The following MATN3 variants were observed in gnomAD, a reference collection of about 807,000 sequenced individuals.
MATN3 encodes the protein matrilin 3, also known as matrilin-3.
MATN3 carries 48 observed loss-of-function variants against 45.3 expected under a neutral mutation model. The ratio of observed to expected loss-of-function variants is 1.06; its 90% CI spans 0.84 to 1.35. The LOEUF (loss-of-function observed/expected upper bound fraction) is 1.35. Ranked by LOEUF, MATN3 falls within the 40% of genes most tolerant of loss-of-function variation. The probability of loss-of-function intolerance (pLI) is 0.00; values close to 1 mark genes in which losing one functional copy is unlikely to be tolerated. For missense variants in MATN3, 599 were observed against 628.0 expected (o/e 0.95, Z 0.49); for synonymous variants, 217 against 245.9 (o/e 0.88, Z 1.10).
intron 5 of MATN3, among the ~76,000 whole-genome samples, chr2:19,998,465 A>G (rs1382190057): frequency 2.0e-5 from 3 of 152,220 alleles, no homozygotes; most frequent in African/African-American, 7.2e-5. Context: ...ACTTTAAAAT[A>G]TATAAATAGG....
chr2:20,001,966 T>G lies in MATN3; in HGVS notation c.1031A>C (p.Lys344Thr). ...CCTCCCTCACTTACCTGAACAAGTT[T>G]TCCTGTCTTCATTCAAGGTATAACC... ...YEGYTLNEDR[K>T]TCSAQDKCAL... Residue 344 changes from lysine (K) to threonine (T), a missense_variant, in exon 4 of 8, where the codon AAA becomes ACA. Physicochemically the swap from Lys to Thr is moderately conservative, Grantham distance 78. Transcript: ENST00000407540. 6.2e-7 allele frequency: 1 copy of G among 1,613,290 alleles called. No individual in the cohort carries two copies. Among genetic ancestry groups the G allele is most frequent in the South Asian group, 1.1e-5 (1 of 90,930 alleles).
chr2:20,007,822 A>G (rs768396422), intron 1 of MATN3, among the ~76,000 whole-genome samples: 1 of 152,230 alleles, frequency 6.6e-6, no homozygotes, highest in Non-Finnish European at 1.5e-5. Flanking sequence ...ACAGTTTAGT[A>G]TCACAGTACA....
In MATN3 at chr2:20,002,042, G is replaced by A; in HGVS notation, c.955C>T (p.His319Tyr). The change falls in exon 4 of 8, where the codon CAC becomes TAC. Residue 319 changes from histidine (H) to tyrosine (Y), a missense_variant. Physicochemically the swap from His to Tyr is moderately conservative, Grantham distance 83. Transcript: ENST00000407540. The stretch of plus-strand genomic sequence containing the variant: ...CCACTTCTGTCATTCACACAGATGT[G>A]CTCACATCCGTGGGTGTTAAGAGCA... ...RCALNTHGCEHICVNDRSGSY... is the reference protein window; with the variant it reads ...RCALNTHGCEYICVNDRSGSY... 6.2e-7 allele frequency: 1 copy of A among 1,613,448 alleles called. No homozygotes were observed. Among genetic ancestry groups the A allele is most frequent in the Non-Finnish European group, 8.5e-7 (1 of 1,179,502 alleles).
At chr2:19,999,894 C>T (rs755074655) in intron 5 of MATN3, among the ~76,000 whole-genome samples, 26 of 152,118 alleles carry the variant, frequency 1.7e-4, no homozygotes, top group Non-Finnish European at 2.6e-4. Flanking sequence ...CATTGGCCAA[C>T]GTATAAGGCT....
At chr2:19,997,113 C>T (rs758404676) in intron 6 of MATN3, 21 bp downstream of exon 6, 1 of 1,611,500 alleles carries the variant, frequency 6.2e-7, no homozygotes, top group Non-Finnish European at 8.5e-7. Context: ...AAGGAAATAG[C>T]CTTAAAGGGC....
Position 19,992,195 on chromosome 2 carries a change from T to G in MATN3, c.*916A>C, listed in dbSNP as rs1672770866. ...GAGCAGTGCAAAATTTAAAGGACTG[T>G]TTTGTTCTCAAAGTTGCAAGTTTCA... On this transcript the variant is annotated 3_prime_UTR_variant, in exon 8 of 8. Transcript: ENST00000407540. 1 of 152,092 alleles carries G rather than the reference T, an allele frequency of 6.6e-6. No homozygotes were observed. Among genetic ancestry groups the G allele is most frequent in the Non-Finnish European group, 1.5e-5 (1 of 67,998 alleles). 9.4% of individuals were successfully genotyped at this position (152,092 alleles called of 1,614,324 possible).
chr2:20,007,174 C>T (rs1019020634), intron 1 of MATN3, among the ~76,000 whole-genome samples: 2 of 151,736 alleles, frequency 1.3e-5, no homozygotes, highest in African/African-American at 2.4e-5. Flanking sequence ...CGCCACTGCA[C>T]TCCAGCCTGG....
intron 3 of MATN3, 111 bp from the exon 4 acceptor site, chr2:20,002,191 C>CACACACACACACACACAGAGAG: frequency 1.3e-6 from 1 of 756,946 alleles, no homozygotes; most frequent in East Asian, 3.4e-5. Context: ...CACACACACA[C>CACACACACACACACACAGAGAG]AGAGCTAATG....
At chr2:19,993,887 C>A (rs1672807088) in intron 7 of MATN3, among the ~76,000 whole-genome samples, 1 of 152,156 alleles carries the variant, frequency 6.6e-6, no homozygotes, top group Non-Finnish European at 1.5e-5. Flanking sequence ...TGCTTTTTGA[C>A]CACTTGGCTA....
At chr2:19,998,836 G>C (rs2103480554) in intron 5 of MATN3, among the ~76,000 whole-genome samples, 1 of 152,104 alleles carries the variant, frequency 6.6e-6, no homozygotes, top group Non-Finnish European at 1.5e-5. Context: ...CCTCTTCACT[G>C]TCCTGTGCTT....
intron 5 of MATN3, among the ~76,000 whole-genome samples, chr2:19,998,557 A>G (rs894566148): frequency 6.6e-6 from 1 of 152,172 alleles, no homozygotes; most frequent in Non-Finnish European, 1.5e-5. Flanking sequence ...GGAGTTCAAG[A>G]CAAGCTTGGA....
At position 19,994,307 on chromosome 2, in the gene MATN3, T is replaced by G; in HGVS notation, c.1397A>C (p.Asn466Thr). The change falls in exon 7 of 8, where the codon AAC becomes ACC. Residue 466 changes from asparagine to threonine, a missense_variant. Physicochemically the swap from Asn to Thr is moderately conservative, Grantham distance 65. Transcript: ENST00000407540. ...CCTTCCAGAAAGGATATGTTTAGTG[T>G]TCAGTCTTTGAAGATACGAGCTGAC... ...DKVSSYLQRL[N>T]TKLDDILEKL... 1 of 1,609,464 alleles carries G rather than the reference T, an allele frequency of 6.2e-7. No homozygotes were observed. The highest frequency in any genetic ancestry group is 8.5e-7 in the Non-Finnish European group (1 of 1,176,230).
intron 1 of MATN3, among the ~76,000 whole-genome samples, chr2:20,007,106 A>G (rs543073235): frequency 2.2e-4 from 33 of 151,868 alleles, no homozygotes; most frequent in Middle Eastern, 3.4e-3. Flanking sequence ...TACTCGGGAG[A>G]CTGAGGCAGG....
chr2:20,006,073 G>A lies in MATN3; in HGVS notation c.461C>T (p.Thr154Ile), dbSNP rs767685713. ...QSLKQAVGRI[T>I]PLSTGTMSGL... ...TGACATGGTGCCTGTTGACAAGGGT[G>A]TGATTCGACCCACGGCCTGCTTCAG... The change falls in exon 2 of 8, where the codon ACA becomes ATA. Residue 154 changes from threonine to isoleucine, a missense_variant. Physicochemically the swap from Thr to Ile is moderately conservative, Grantham distance 89 (BLOSUM62 -1). Coordinates refer to ENST00000407540, the MANE Select transcript of MATN3 (RefSeq NM_002381.5). The A allele has an allele frequency of 1.2e-6, 2 of 1,613,914 alleles. No homozygotes were observed. The highest frequency in any genetic ancestry group is 1.7e-6 in the Non-Finnish European group (2 of 1,179,894).
At chr2:20,006,552 A>G (rs1673111159) in intron 1 of MATN3, among the ~76,000 whole-genome samples, 1 of 152,172 alleles carries the variant, frequency 6.6e-6, no homozygotes, top group Admixed American at 6.5e-5. Context: ...AGGCTGGCTG[A>G]ATCCTGAAAT....
chr2:19,998,293 C>T (rs1026514859), intron 5 of MATN3, among the ~76,000 whole-genome samples: 1 of 152,018 alleles, frequency 6.6e-6, no homozygotes, highest in East Asian at 1.9e-4. Flanking sequence ...GGTTAGTACC[C>T]ACTCTACAGG....
chr2:19,997,349 C>G, intron 5 of MATN3, 90 bp from the exon 6 acceptor site: 2 of 1,376,066 alleles, frequency 1.5e-6, no homozygotes, highest in South Asian at 2.9e-5. Flanking sequence ...TCCATTTGGT[C>G]CCCACAAGTG....
chr2:19,997,068 A>G (rs2103479597), intron 6 of MATN3, 66 bp downstream of exon 6: 2 of 1,553,940 alleles, frequency 1.3e-6, no homozygotes, highest in East Asian at 4.5e-5. Flanking sequence ...TTAGACAGAA[A>G]GAAAAAAGCT....
At chr2:20,000,357 T>C in intron 5 of MATN3, 84 bp downstream of exon 5, 1 of 1,292,692 alleles carries the variant, frequency 7.7e-7, no homozygotes, top group Non-Finnish European at 1.1e-6. Flanking sequence ...TTAAGTTACC[T>C]TTAAAAACCT....
Sources: gnomAD v4.1 joint callset for allele counts (sites outside exome capture counted in the v4.1 genomes callset) on GRCh38, gnomAD v4.1.1 for gene constraint, MANE v1.5 for transcripts, NCBI Gene and HGNC (gene_info 2026-07-23, HGNC 2026-07-21) for gene names.